The following CCHCR1 variants were observed in gnomAD, a reference collection of about 807,000 sequenced individuals.
CCHCR1 encodes HCR (a-helix coiled-coil rod homologue).
A neutral mutation model predicts 114.6 loss-of-function variants in CCHCR1; 91 were observed. The observed-to-expected ratio is 0.79, with a 90% CI of 0.67 to 0.94. CCHCR1 has a LOEUF of 0.94. Ranked by LOEUF, CCHCR1 falls within the 40% of genes least tolerant of loss-of-function variation. The pLI is 0.00. For synonymous variants in CCHCR1, 379 were observed against 428.5 expected, an observed-to-expected ratio of 0.88 and a Z score of 1.43; for missense variants, 899 against 1,079.9, an observed-to-expected ratio of 0.83 and a Z score of 2.35.
intron 4 of CCHCR1, among the ~76,000 whole-genome samples, chr6:31,152,336 TTTTTTTTGTTTG>T (rs1775364800): frequency 6.6e-6 from 1 of 151,518 alleles, no homozygotes; most frequent in African/African-American, 2.4e-5. Context: ...AAAAAACAAT[TTTTTTTTGTTTG>T]TTTTTTTGGA....
chr6:31,154,067 G>A lies in CCHCR1; in HGVS notation c.801+429C>T, dbSNP rs1449673388. The stretch of plus-strand genomic sequence containing the variant: ...TTCCATCCACGAAGGCAGGACTCAG[G>A]CTAATTTGGTCACTGAGTCTTAGAG... On this transcript the variant is annotated intron_variant, in intron 4 of 17. Coordinates refer to ENST00000396268, the MANE Select transcript of CCHCR1 (RefSeq NM_001105564.2). The surrounding 1 kb of genome is among the most constrained non-coding windows in gnomAD (Gnocchi z 4.1). Among the ~76,000 whole-genome samples the A allele has an allele frequency of 1.3e-5, 2 of 148,556 alleles. No homozygotes were observed. The highest frequency in any genetic ancestry group is 1.4e-4 in the Admixed American group (2 of 14,588).
At chr6:31,157,194 G>T (rs187201166) in intron 1 of CCHCR1, 105 bp from the exon 2 acceptor site, 602 of 1,081,766 alleles carry the variant, frequency 5.6e-4, no homozygotes, top group Non-Finnish European at 8.8e-5. Context: ...TTATAGCCAG[G>T]TCCACCCGAT....
chr6:31,145,306 G>A lies in CCHCR1; in HGVS notation c.1740-4C>T, dbSNP rs1265076. On this transcript the variant is annotated splice_region_variant and splice_polypyrimidine_tract_variant and intron_variant, in intron 12 of 17. Transcript: ENST00000396268. The stretch of plus-strand genomic sequence containing the variant: ...GACCGGTGGTGGTAGGGGACAGCTG[G>A]GACGGGGAAGAGAAAGAGTCAGAAG... 488,582 of 1,609,868 alleles carry A rather than the reference G, an allele frequency of 0.3. 77,157 individuals carry two copies. Among genetic ancestry groups the A allele is most frequent in the Middle Eastern group, 0.34 (2,025 of 6,008 alleles).
Position 31,154,880 on chromosome 6 carries a change from G to A in CCHCR1, c.498-81C>T, listed in dbSNP as rs993879681. On this transcript the variant is annotated intron_variant, in intron 3 of 17. Coordinates refer to ENST00000396268, the MANE Select transcript of CCHCR1 (RefSeq NM_001105564.2). This position sits in a 1 kb window ranked among gnomAD's most constrained non-coding sequence, Gnocchi z 4.1. ...GAGGGCATAAACATAGCCAGGAGAA[G>A]GAAAAGAGGACCCCTCTGCTTCCGT... 2.3e-6 allele frequency: 3 copies of A among 1,322,738 alleles called. No homozygotes were observed. The African/African-American group carries it at 4.4e-5, about 19-fold the overall frequency. The allele number at this position is 1,322,738 out of a possible 1,614,324, so 81.9% of individuals were successfully genotyped here. A position where few individuals can be genotyped will look rare whatever the true frequency, so the allele number is the denominator to read the frequency against.
rs756578285 is a variant in CCHCR1 at position 31,154,771 on chromosome 6, G to A, written c.526C>T (p.Leu176=). 6.2e-7 allele frequency: 1 copy of A among 1,605,446 alleles called. No individual in the cohort carries two copies. Among genetic ancestry groups the A allele is most frequent in the Non-Finnish European group, 8.5e-7 (1 of 1,179,844 alleles). Residue 176 remains leucine, a synonymous_variant, in exon 4 of 18, where the codon CTG becomes TTG. Coordinates refer to ENST00000396268, the MANE Select transcript of CCHCR1 (RefSeq NM_001105564.2). This position sits in a 1 kb window ranked among gnomAD's most constrained non-coding sequence, Gnocchi z 4.1. The part of the protein sequence containing the change: ...RSWGLEGSQA[L]SQQAEVIVRQ... ...ACGATCACCTCAGCCTGCTGGCTCA[G>A]GGCCTGTGACCCCTCCAGCCCCCAG...
intron 3 of CCHCR1, among the ~76,000 whole-genome samples, chr6:31,155,378 G>A (rs1022294603): frequency 1.3e-5 from 2 of 152,086 alleles, no homozygotes; most frequent in Non-Finnish European, 2.9e-5. Context: ...GCCGAGGCGG[G>A]CGGATCACGA....
chr6:31,154,697 C>A lies in CCHCR1; in HGVS notation c.600G>T (p.Leu200=). Residue 200 remains leucine (L), a synonymous_variant, in exon 4 of 18, where the codon CTG becomes CTT. Transcript: ENST00000396268. This position sits in a 1 kb window ranked among gnomAD's most constrained non-coding sequence, Gnocchi z 4.1. ...TCTTCTGCTGCAGCGAGGTCTCCCG[C>A]AGGAGCCGGACCTCCTCCTCCAGCC... ...LRRLEEEVRL[L]RETSLQQKMR... is the part of the protein sequence containing the mutation. 6.2e-7 allele frequency: 1 copy of A among 1,610,180 alleles called. No homozygotes were observed. The highest frequency in any genetic ancestry group is 2.2e-5 in the East Asian group (1 of 44,886).
Position 31,144,710 on chromosome 6 carries a change from G to A in CCHCR1, c.2144C>T (p.Ala715Val). ...LSDTERRLNE[A>V]RREHAKAVVS... is the part of the protein sequence containing the mutation. ...ACCGGCCTTGGCATGCTCCCTCCGA[G>A]CCTCGTTCAGCCTCCTCTCTGTGTC... The change falls in exon 15 of 18, where the codon GCT becomes GTT. Residue 715 changes from alanine (A) to valine (V), a missense_variant. Transcript: ENST00000396268. The surrounding 1 kb of genome is among the most constrained non-coding windows in gnomAD (Gnocchi z 4.6). 1.2e-6 allele frequency: 2 copies of A among 1,612,112 alleles called. No individual in the cohort carries two copies. The highest frequency in any genetic ancestry group is 1.3e-5 in the African/African-American group (1 of 74,986).
chr6:31,149,928 T>C, intron 8 of CCHCR1, 138 bp downstream of exon 8: 2 of 820,284 alleles, frequency 2.4e-6, no homozygotes, highest in Admixed American at 2.2e-5. Context: ...GAATGCAAGC[T>C]CCACATTTTA....
intron 10 of CCHCR1, among the ~76,000 whole-genome samples, chr6:31,147,386 C>T (rs1371159430): frequency 1.8e-4 from 23 of 127,626 alleles, no homozygotes; most frequent in Admixed American, 9.8e-4. Context: ...GGTGACAGTG[C>T]GAGACTCTGT....
At chr6:31,149,151 CAAAAAAAA>C (rs3064836) in intron 8 of CCHCR1, 12 of 120,870 alleles carry the variant, frequency 9.9e-5, no homozygotes, top group African/African-American at 2.9e-4. Flanking sequence ...GACTCCTTCT[CAAAAAAAA>C]AAAAAAAAAA....
intron 10 of CCHCR1, among the ~76,000 whole-genome samples, chr6:31,147,685 G>C (rs1366184602): frequency 6.6e-6 from 1 of 152,132 alleles, no homozygotes; most frequent in African/African-American, 2.4e-5. Flanking sequence ...AAATAGACTA[G>C]GCCAGGTGCA....
chr6:31,148,479 C>A lies in CCHCR1; in HGVS notation c.1506G>T (p.Glu502Asp), dbSNP rs1774674507. ...GLQLELSRAQEARRRWQQQTA... is the reference protein window; with the variant it reads ...GLQLELSRAQDARRRWQQQTA... ...TCTGCTGCTGCCACCGACGCCTGGC[C>A]TCCTGAGCACGGCTCAGCTCCAACT... The change falls in exon 10 of 18, where the codon GAG becomes GAT. Residue 502 changes from glutamate to aspartate, a missense_variant. Coordinates refer to ENST00000396268, the MANE Select transcript of CCHCR1 (RefSeq NM_001105564.2). The A allele has an allele frequency of 6.2e-7, 1 of 1,612,878 alleles. No individual in the cohort carries two copies. The highest frequency in any genetic ancestry group is 1.3e-5 in the African/African-American group (1 of 75,052).
At position 31,145,448 on chromosome 6, in the gene CCHCR1, C is replaced by T; in HGVS notation, c.1739G>A (p.Ser580Asn). The T allele has an allele frequency of 1.2e-6, 2 of 1,614,222 alleles. No homozygotes were observed. The highest frequency in any genetic ancestry group is 8.5e-7 in the Non-Finnish European group (1 of 1,180,038). ...CCACCTCAAAGTGCCCAAACTTCAC[C>T]TCTCCTGGCGCAGCTGAGCAAGGGC... ...KLALAQLRQE[S>N]CPLPPPVTDV... Residue 580 changes from serine (S) to asparagine (N), a missense_variant and splice_region_variant, in exon 12 of 18, where the codon AGC becomes AAC. Transcript: ENST00000396268.
chr6:31,146,315 A>G (rs1054585398), intron 10 of CCHCR1, among the ~76,000 whole-genome samples: 10 of 152,192 alleles, frequency 6.6e-5, no homozygotes, highest in Non-Finnish European at 1.3e-4. Flanking sequence ...CCTGCCCTCA[A>G]GACTGGGTGA....
At chr6:31,155,230 G>A (rs1022325725) in intron 3 of CCHCR1, among the ~76,000 whole-genome samples, 2 of 152,200 alleles carry the variant, frequency 1.3e-5, no homozygotes, top group Admixed American at 6.5e-5. Flanking sequence ...CTAATTTAAG[G>A]GCAAGAAGTT....
chr6:31,145,839 T>G (rs774050954), intron 10 of CCHCR1, 31 bp from the exon 11 acceptor site: 1 of 1,345,728 alleles, frequency 7.4e-7, no homozygotes, highest in South Asian at 1.2e-5. Context: ...TGATCCTCCA[T>G]GCCTCCCCTC....
At position 31,151,155 on chromosome 6, in the gene CCHCR1, C is replaced by T. The variant is rs368349370; in HGVS notation, c.802-33G>A. On this transcript the variant is annotated intron_variant, in intron 4 of 17. Transcript: ENST00000396268. This position sits in a 1 kb window ranked among gnomAD's most constrained non-coding sequence, Gnocchi z 4.1. Reference sequence around the variant, plus strand: ...AAGAAGAGGGGGCTCAGCAGAGGCTCGACCCCACATGGAGGCCTTCCTTGT... The same window carrying T: ...AAGAAGAGGGGGCTCAGCAGAGGCTTGACCCCACATGGAGGCCTTCCTTGT... 1.6e-5 allele frequency: 26 copies of T among 1,594,904 alleles called. No homozygotes were observed. Among genetic ancestry groups the T allele is most frequent in the Non-Finnish European group, 2.0e-5 (24 of 1,171,932 alleles).
chr6:31,143,494 G>T lies in CCHCR1; in HGVS notation c.2168-81C>A. ...AGGCACCATGAAGACAGGAACAAAC[G>T]CTGGGTCACCAACTCTGTGGCTTGG... On this transcript the variant is annotated intron_variant, in intron 15 of 17. Coordinates refer to ENST00000396268, the MANE Select transcript of CCHCR1 (RefSeq NM_001105564.2). This position sits in a 1 kb window ranked among gnomAD's most constrained non-coding sequence, Gnocchi z 5.3. 1 of 1,477,084 alleles carries T rather than the reference G, an allele frequency of 6.8e-7. No homozygotes were observed. Among genetic ancestry groups the T allele is most frequent in the Non-Finnish European group, 9.2e-7 (1 of 1,081,194 alleles). The allele number at this position is 1,477,084 out of a possible 1,614,324, so 91.5% of individuals were successfully genotyped here. A position where few individuals can be genotyped will look rare whatever the true frequency, so the allele number is the denominator to read the frequency against.
Sources: allele counts gnomAD v4.1 joint callset (sites outside exome capture counted in the v4.1 genomes callset), GRCh38; gene constraint gnomAD v4.1.1; non-coding constraint Gnocchi (gnomAD v3.1); transcripts MANE v1.5; gene names NCBI Gene and HGNC (gene_info 2026-07-23, HGNC 2026-07-21).